Variants in SNRNP200 observed in about 807,000 individuals in gnomAD.
SNRNP200 encodes small nuclear ribonucleoprotein U5 subunit 200.
In SNRNP200, 66 loss-of-function variants were observed where a neutral mutation model predicts 255.2. That is an observed-to-expected ratio of 0.26 (90% confidence interval 0.21 to 0.32). SNRNP200 has a LOEUF of 0.32. Among genes scored for constraint, SNRNP200 ranks in the 10% least tolerant of loss-of-function variants. The pLI is 1.00. For synonymous variants in SNRNP200, 939 were observed against 1,027.8 expected (o/e 0.91, Z 1.65); for missense variants, 1,585 against 2,749.8 (o/e 0.58, Z 9.47).
chr2:96,282,861 AG>A, intron 34 of SNRNP200: 1 of 394,144 alleles, frequency 2.5e-6, no homozygotes, highest in Admixed American at 3.7e-5. Context: ...ATTTCTTTAT[AG>A]CAATACAAGA....
chr2:96,290,155 G>A lies in SNRNP200; in HGVS notation c.2743-159C>T, dbSNP rs780541981. Among the ~76,000 whole-genome samples the A allele has an allele frequency of 2.6e-5, 4 of 152,142 alleles. No homozygotes were observed. Among genetic ancestry groups the A allele is most frequent in the Admixed American group, 2.0e-4 (3 of 15,282 alleles). ...ATTTCATTATTAAAAAGATCTAAGC[G>A]TCTTCTAAGATCTTGGTAACAAGGG... On this transcript the variant is annotated intron_variant, in intron 20 of 44. Coordinates refer to ENST00000323853, the MANE Select transcript of SNRNP200 (RefSeq NM_014014.5). The surrounding 1 kb of genome is among the most constrained non-coding windows in gnomAD (Gnocchi z 4.5).
At position 96,286,665 on chromosome 2, in the gene SNRNP200, G is replaced by A. The variant is rs755882750; in HGVS notation, c.3829+23C>T. The A allele has an allele frequency of 4.3e-6, 7 of 1,611,746 alleles. No individual in the cohort carries two copies. The Admixed American group carries it at 8.3e-5, about 19-fold the overall frequency. On this transcript the variant is annotated intron_variant, in intron 28 of 44. Coordinates refer to ENST00000323853, the MANE Select transcript of SNRNP200 (RefSeq NM_014014.5). This position sits in a 1 kb window ranked among gnomAD's most constrained non-coding sequence, Gnocchi z 4.8. The stretch of plus-strand genomic sequence containing the variant: ...TGTCCTTGGAGGGACTGTTCCTGGG[G>A]ACTCTGGAGAGGAGACACTCACAGA...
Position 96,274,771 on chromosome 2 carries a change from A to G in SNRNP200, c.*241T>C. ...ATTTTATTAGAATGTCAGACTCAAA[A>G]GAACTACCAGGAACATGCCTGAAAA... is the stretch of plus-strand genomic sequence containing the variant. On this transcript the variant is annotated 3_prime_UTR_variant, in exon 45 of 45. Coordinates refer to ENST00000323853, the MANE Select transcript of SNRNP200 (RefSeq NM_014014.5). 1.8e-6 allele frequency: 1 copy of G among 560,340 alleles called. No individual in the cohort carries two copies. The highest frequency in any genetic ancestry group is 3.2e-6 in the Non-Finnish European group (1 of 312,496). 34.7% of individuals were successfully genotyped at this position (560,340 alleles called of 1,614,324 possible).
chr2:96,287,803 G>T lies in SNRNP200; in HGVS notation c.3365+60C>A. The T allele has an allele frequency of 7.1e-7, 1 of 1,412,458 alleles. No homozygotes were observed. Among genetic ancestry groups the T allele is most frequent in the Non-Finnish European group, 1.0e-6 (1 of 995,980 alleles). 87.5% of individuals were successfully genotyped at this position (1,412,458 alleles called of 1,614,324 possible). On this transcript the variant is annotated intron_variant, in intron 25 of 44. Transcript: ENST00000323853. This position sits in a 1 kb window ranked among gnomAD's most constrained non-coding sequence, Gnocchi z 5.7. The stretch of plus-strand genomic sequence containing the variant: ...GATGCACCCTGAGGCTTTCCCATCA[G>T]ACCCTTGGGTTGGGGACCCCCACTC...
chr2:96,277,752 G>A lies in SNRNP200; in HGVS notation c.5755-37C>T. ...AAGGAGTATAAAAGTGGGCGGAGTT[G>A]GAGCTGAGATGTTTAGAGCACCACT... On this transcript the variant is annotated intron_variant, in intron 40 of 44. Transcript: ENST00000323853. The surrounding 1 kb of genome is among the most constrained non-coding windows in gnomAD (Gnocchi z 4.4). The A allele has an allele frequency of 6.2e-7, 1 of 1,614,150 alleles. No individual in the cohort carries two copies. The highest frequency in any genetic ancestry group is 8.5e-7 in the Non-Finnish European group (1 of 1,180,036).
chr2:96,296,267 A>C (rs1458441203), intron 13 of SNRNP200, among the ~76,000 whole-genome samples: 1 of 152,250 alleles, frequency 6.6e-6, no homozygotes, highest in Non-Finnish European at 1.5e-5. Context: ...AATAACACAA[A>C]TGATACGAAC....
chr2:96,295,652 C>T lies in SNRNP200; in HGVS notation c.1678G>A (p.Ala560Thr). The part of the protein sequence containing the change: ...EMVGSFGKRL[A>T]TYGITVAELT... The stretch of plus-strand genomic sequence containing the variant: ...TCAGCAACAGTGATGCCATAAGTGG[C>T]CAGGCGCTGTGGGAGGAAAACTACA... Residue 560 changes from alanine to threonine, a missense_variant, in exon 14 of 45, where the codon GCC (alanine) becomes ACC (threonine). This residue lies in a region of SNRNP200 where 56 missense variants were observed against 77.4 expected (regional missense o/e 0.72). Transcript: ENST00000323853. The T allele has an allele frequency of 6.2e-7, 1 of 1,613,540 alleles. No homozygotes were observed. Among genetic ancestry groups the T allele is most frequent in the Non-Finnish European group, 8.5e-7 (1 of 1,180,006 alleles).
In SNRNP200 at chr2:96,286,345, A is replaced by C. The variant is rs541824473; in HGVS notation, c.3969T>G (p.Asp1323Glu). Reference protein sequence around the residue: ...RNSAFESLYQDKFPFFNPIQT... With the variant: ...RNSAFESLYQEKFPFFNPIQT... ...GGATGGGATTGAAGAAAGGAAATTTATCTTGGTAAAGACTCTCAAAGGCAC... is the reference window on the plus strand; with the variant it reads ...GGATGGGATTGAAGAAAGGAAATTTCTCTTGGTAAAGACTCTCAAAGGCAC... Residue 1323 changes from aspartate to glutamate, a missense_variant, in exon 29 of 45, where the codon GAT becomes GAG. Transcript: ENST00000323853. The surrounding 1 kb of genome is among the most constrained non-coding windows in gnomAD (Gnocchi z 4.8). 10 of 1,614,140 alleles carry C rather than the reference A, an allele frequency of 6.2e-6. No homozygotes were observed. The South Asian group carries it at 9.9e-5, about 16-fold the overall frequency.
chr2:96,301,501 CAG>C (rs1558772452), intron 4 of SNRNP200, 21 bp downstream of exon 4: 2 of 1,612,746 alleles, frequency 1.2e-6, no homozygotes, highest in Non-Finnish European at 1.7e-6. Context: ...TGAACATGAT[CAG>C]AACATAAAGC....
In SNRNP200 at chr2:96,275,163, G is replaced by A. The variant is rs748629701; in HGVS notation, c.6268-8C>T. On this transcript the variant is annotated splice_polypyrimidine_tract_variant and splice_region_variant and intron_variant, in intron 44 of 44. Coordinates refer to ENST00000323853, the MANE Select transcript of SNRNP200 (RefSeq NM_014014.5). Reference sequence around the variant, plus strand: ...CACAAAGTCCAACTTCACCTAGAAAGAGCAGGCAGAAATCAAGATGAGCAT... The same window carrying A: ...CACAAAGTCCAACTTCACCTAGAAAAAGCAGGCAGAAATCAAGATGAGCAT... 6.2e-7 allele frequency: 1 copy of A among 1,614,118 alleles called. No individual in the cohort carries two copies. The highest frequency in any genetic ancestry group is 8.5e-7 in the Non-Finnish European group (1 of 1,180,056).
At chr2:96,297,259 C>A in intron 11 of SNRNP200, 104 bp downstream of exon 11, 1 of 1,541,766 alleles carries the variant, frequency 6.5e-7, no homozygotes. Flanking sequence ...AGCTTTCAGC[C>A]CTGAAATAAA....
At chr2:96,298,040 A>AT (rs2063929662) in intron 9 of SNRNP200, among the ~76,000 whole-genome samples, 1 of 152,228 alleles carries the variant, frequency 6.6e-6, no homozygotes, top group South Asian at 2.1e-4. Context: ...AACACCATGG[A>AT]TTTACTGTGT....
At chr2:96,305,304 G>T in intron 1 of SNRNP200, 89 bp downstream of exon 1, 1 of 1,530,422 alleles carries the variant, frequency 6.5e-7, no homozygotes, top group Non-Finnish European at 9.1e-7. Flanking sequence ...TGGCTCTCCT[G>T]TAGGCCTTCA....
intron 2 of SNRNP200, among the ~76,000 whole-genome samples, chr2:96,304,247 T>TA (rs200819222): frequency 4.3e-4 from 62 of 143,720 alleles, no homozygotes; most frequent in East Asian, 1.2e-3. Context: ...CAAGAAATCT[T>TA]AAAAAAAAAA....
chr2:96,305,161 G>A (rs911871793), intron 1 of SNRNP200, among the ~76,000 whole-genome samples: 5 of 152,100 alleles, frequency 3.3e-5, no homozygotes, highest in Non-Finnish European at 7.4e-5. Context: ...TGTGGAAGGG[G>A]GAGGGCTTAG....
At position 96,289,078 on chromosome 2, in the gene SNRNP200, G is replaced by T. The variant is rs745733409; in HGVS notation, c.3133C>A (p.Pro1045Thr). 1.2e-5 allele frequency: 19 copies of T among 1,613,120 alleles called. No individual in the cohort carries two copies. The highest frequency in any genetic ancestry group is 1.5e-5 in the Non-Finnish European group (18 of 1,179,686). ...TCAATGCTCTCCTTTACAGGGATAGGCACCCTCTCCAGCAACTTCTGCAGC... is the reference window on the plus strand; with the variant it reads ...TCAATGCTCTCCTTTACAGGGATAGTCACCCTCTCCAGCAACTTCTGCAGC... ...LELQKLLERV[P>T]IPVKESIEEP... The change falls in exon 23 of 45, where the codon CCT becomes ACT. Residue 1045 changes from proline to threonine, a missense_variant. Coordinates refer to ENST00000323853, the MANE Select transcript of SNRNP200 (RefSeq NM_014014.5).
intron 36 of SNRNP200, 61 bp downstream of exon 36, chr2:96,279,390 A>T: frequency 9.5e-7 from 1 of 1,052,810 alleles, no homozygotes; most frequent in Non-Finnish European, 1.5e-6. Flanking sequence ...TATCAAAAGA[A>T]AGATTAAAGA....
Position 96,289,093 on chromosome 2 carries a change from A to T in SNRNP200, c.3118T>A (p.Leu1040Met). The change falls in exon 23 of 45, where the codon TTG becomes ATG. Residue 1040 changes from leucine (L) to methionine (M), a missense_variant. Around this residue, in one of 9 missense-constraint regions of SNRNP200, gnomAD observed 719 missense variants for 1,091.1 expected, o/e 0.66. Transcript: ENST00000323853. Reference protein sequence around the residue: ...REEEKLELQKLLERVPIPVKE... With the variant: ...REEEKLELQKMLERVPIPVKE... The stretch of plus-strand genomic sequence containing the variant: ...ACAGGGATAGGCACCCTCTCCAGCA[A>T]CTTCTGCAGCTCCAGCTTCTCCTCC... The T allele has an allele frequency of 6.2e-7, 1 of 1,613,538 alleles. No homozygotes were observed. The highest frequency in any genetic ancestry group is 8.5e-7 in the Non-Finnish European group (1 of 1,179,798).
chr2:96,277,869 G>A lies in SNRNP200; in HGVS notation c.5692C>T (p.His1898Tyr), dbSNP rs1421192077. Reference sequence around the variant, plus strand: ...GCACTCAGCTGCATGCGAGACAAGTGAGCCTGCAGGAGCAGGTTGGTCTTG... The same window carrying A: ...GCACTCAGCTGCATGCGAGACAAGTAAGCCTGCAGGAGCAGGTTGGTCTTG... ...HVKTNLLLQA[H>Y]LSRMQLSAEL... is the part of the protein sequence containing the mutation. The change falls in exon 40 of 45, where the codon CAC becomes TAC. Residue 1898 changes from histidine to tyrosine, a missense_variant. By Grantham distance (83) the His-to-Tyr change is moderately conservative. This residue lies in a region of SNRNP200 where 279 missense variants were observed against 551.2 expected (regional missense o/e 0.51). Transcript: ENST00000323853. This position sits in a 1 kb window ranked among gnomAD's most constrained non-coding sequence, Gnocchi z 4.4. 2 of 1,614,250 alleles carry A rather than the reference G, an allele frequency of 1.2e-6. No homozygotes were observed. Among genetic ancestry groups the A allele is most frequent in the African/African-American group, 1.3e-5 (1 of 75,060 alleles).
Sources: gnomAD v4.1 joint callset for allele counts (sites outside exome capture counted in the v4.1 genomes callset) on GRCh38, gnomAD v4.1.1 for gene constraint, gnomAD v4.1.1 regional missense constraint, Gnocchi (gnomAD v3.1) non-coding constraint, MANE v1.5 for transcripts, NCBI Gene and HGNC (gene_info 2026-07-23, HGNC 2026-07-21) for gene names.